Variants in ADAM10 observed in about 807,000 individuals in gnomAD.
ADAM10 encodes the protein disintegrin and metalloproteinase domain-containing protein 10.
In ADAM10, 17 loss-of-function variants were observed where a neutral mutation model predicts 90.1. That is an observed-to-expected ratio of 0.19 (90% CI 0.13 to 0.28). ADAM10 has a LOEUF of 0.28. Ranked by LOEUF, ADAM10 falls within the 10% of genes least tolerant of loss-of-function variation. The pLI is 1.00. For synonymous variants in ADAM10, 310 were observed against 298.6 expected, an observed-to-expected ratio of 1.04 and a Z score of -0.40; for missense variants, 610 against 914.3, an observed-to-expected ratio of 0.67 and a Z score of 4.29.
chr15:58,663,557 C>A (rs1897016498), intron 5 of ADAM10, among the ~76,000 whole-genome samples: 1 of 152,042 alleles, frequency 6.6e-6, no homozygotes, highest in Non-Finnish European at 1.5e-5. Context: ...CTTACTTTTC[C>A]ATATAACATT....
rs114676689 is a variant in ADAM10, at chr15:58,740,784, A to G, written c.55+8696T>C. ...TTCGTAATAGGCATTTTAAAAGACT[A>G]CATGATTAATATTAAAAAGTGATAA... On this transcript the variant is annotated intron_variant, in intron 1 of 15. Coordinates refer to ENST00000260408, the MANE Select transcript of ADAM10 (RefSeq NM_001110.4). Among the ~76,000 whole-genome samples the G allele has an allele frequency of 5.1e-3, 772 of 152,314 alleles. 11 individuals carry two copies. Among genetic ancestry groups the G allele is most frequent in the African/African-American group, 0.018 (746 of 41,552 alleles).
intron 1 of ADAM10, among the ~76,000 whole-genome samples, chr15:58,746,129 C>A (rs1286699515): frequency 2.6e-5 from 4 of 152,156 alleles, no homozygotes; most frequent in African/African-American, 7.2e-5. Context: ...GTTCGAATGT[C>A]CAATTCACCA....
At chr15:58,718,113 A>G (rs1394417688) in intron 1 of ADAM10, among the ~76,000 whole-genome samples, 1 of 152,186 alleles carries the variant, frequency 6.6e-6, no homozygotes, top group Admixed American at 6.5e-5. Context: ...CCTGGTCAAC[A>G]TAGCAAGACT....
intron 3 of ADAM10, among the ~76,000 whole-genome samples, chr15:58,679,818 G>T (rs1026637245): frequency 6.6e-6 from 1 of 152,160 alleles, no homozygotes; most frequent in South Asian, 2.1e-4. Context: ...TGAGGCAGAA[G>T]AATCACTTGA....
At chr15:58,739,918 A>G (rs1209944263) in intron 1 of ADAM10, among the ~76,000 whole-genome samples, 4 of 152,250 alleles carry the variant, frequency 2.6e-5, no homozygotes, top group Non-Finnish European at 5.9e-5. Flanking sequence ...ACATGTATCC[A>G]GAAGTCCAGT....
chr15:58,707,953 T>G (rs2140801268), intron 2 of ADAM10, among the ~76,000 whole-genome samples: 1 of 152,130 alleles, frequency 6.6e-6, no homozygotes, highest in Non-Finnish European at 1.5e-5. Flanking sequence ...GGTGAGCACC[T>G]ATGATCCCAG....
chr15:58,686,594 C>T, intron 2 of ADAM10: 1 of 1,085,034 alleles, frequency 9.2e-7, no homozygotes. Context: ...CTTCTGGGAA[C>T]CCAGATCCTG....
chr15:58,638,614 CAAAA>C (rs60048171), intron 8 of ADAM10, among the ~76,000 whole-genome samples: 1 of 78,216 alleles, frequency 1.3e-5, no homozygotes, highest in Non-Finnish European at 2.7e-5. Flanking sequence ...CACTCTGTCT[CAAAA>C]AAAAAAAAAA....
chr15:58,626,434 A>C (rs1895947369), intron 10 of ADAM10, among the ~76,000 whole-genome samples: 1 of 152,184 alleles, frequency 6.6e-6, no homozygotes, highest in South Asian at 2.1e-4. Flanking sequence ...TTAATGTACA[A>C]AGATGAATAG....
chr15:58,695,379 T>C (rs1245725235), intron 2 of ADAM10, among the ~76,000 whole-genome samples: 1 of 152,248 alleles, frequency 6.6e-6, no homozygotes, highest in Non-Finnish European at 1.5e-5. Flanking sequence ...ATAAAATTAC[T>C]TTTGCAAACT....
chr15:58,748,696 C>A (rs1567023727), intron 1 of ADAM10: 1 of 375,620 alleles, frequency 2.7e-6, no homozygotes, highest in Non-Finnish European at 4.7e-6. Flanking sequence ...GAGACCCAAT[C>A]CAGCCTACAA....
At chr15:58,690,014 C>T (rs1224021864) in intron 2 of ADAM10, among the ~76,000 whole-genome samples, 1 of 133,878 alleles carries the variant, frequency 7.5e-6, no homozygotes, top group African/African-American at 2.9e-5. Context: ...CAACCAAAAA[C>T]TAGAAAACTG....
intron 2 of ADAM10, among the ~76,000 whole-genome samples, chr15:58,683,914 T>C (rs1412063156): frequency 7.0e-6 from 1 of 143,802 alleles, no homozygotes; most frequent in Non-Finnish European, 1.5e-5. Context: ...TCCCTCAGTA[T>C]CCACGGGGGA....
At chr15:58,635,400 T>C (rs545274175) in intron 8 of ADAM10, among the ~76,000 whole-genome samples, 9 of 151,998 alleles carry the variant, frequency 5.9e-5, no homozygotes, top group East Asian at 1.9e-4. Context: ...CCTGAGACTA[T>C]AGGCCGGACA....
intron 5 of ADAM10, among the ~76,000 whole-genome samples, chr15:58,655,680 A>AG: frequency 1.1e-5 from 1 of 88,228 alleles, no homozygotes; most frequent in African/African-American, 6.9e-5. Flanking sequence ...ATACATACAT[A>AG]TATATATTAT....
chr15:58,719,871 T>C (rs1595653985), intron 1 of ADAM10, among the ~76,000 whole-genome samples: 1 of 152,312 alleles, frequency 6.6e-6, no homozygotes, highest in Admixed American at 6.5e-5. Flanking sequence ...GATTAAATGA[T>C]TTAAACCATG....
chr15:58,621,731 T>A, intron 10 of ADAM10, 110 bp from the exon 11 acceptor site: 2 of 1,354,332 alleles, frequency 1.5e-6, no homozygotes, highest in South Asian at 1.2e-5. Context: ...AAAACTTTGA[T>A]GAATAAGTAG....
In ADAM10 at chr15:58,749,555, G is replaced by C. The variant is rs1899912097; in HGVS notation, c.-21C>G. On this transcript the variant is annotated 5_prime_UTR_variant, in exon 1 of 16. Transcript: ENST00000260408. ...ACCATCTTCCGCTGCCGCTGCCGCC[G>C]CCGCCGCCTCCTCACGGGTTAACAG... The C allele has an allele frequency of 6.4e-7, 1 of 1,550,450 alleles. No homozygotes were observed. The highest frequency in any genetic ancestry group is 1.4e-5 in the African/African-American group (1 of 72,920).
rs1356334566 is a variant in ADAM10 at position 58,595,454 on chromosome 15, C to T, written c.*2093G>A. 6.6e-6 allele frequency: 1 copy of T among 152,066 alleles called. No homozygotes were observed. The highest frequency in any genetic ancestry group is 6.5e-5 in the Admixed American group (1 of 15,274). 9.4% of individuals were successfully genotyped at this position (152,066 alleles called of 1,614,324 possible). ...TTTCAAAAAACCTTACATCTTTGCA[C>T]AATACTTTATTTTTTGCAATTTTTA... On this transcript the variant is annotated 3_prime_UTR_variant, in exon 16 of 16. Coordinates refer to ENST00000260408, the MANE Select transcript of ADAM10 (RefSeq NM_001110.4).
Sources: allele counts gnomAD v4.1 joint callset (sites outside exome capture counted in the v4.1 genomes callset), GRCh38; gene constraint gnomAD v4.1.1; transcripts MANE v1.5; gene names NCBI Gene and HGNC (gene_info 2026-07-23, HGNC 2026-07-21).